Variants in KANK1 observed in about 807,000 individuals in gnomAD.
KANK1 encodes the protein KN motif and ankyrin repeat domains 1.
A neutral mutation model predicts 106.2 loss-of-function variants in KANK1; 109 were observed. The ratio of observed to expected loss-of-function variants is 1.03; its 90% CI spans 0.88 to 1.20. KANK1 has a LOEUF of 1.20. Ranked by LOEUF, KANK1 falls within the 50% of genes most tolerant of loss-of-function variation. The pLI is 0.00. For missense variants in KANK1, 2,399 were observed against 1,710.7 expected, an observed-to-expected ratio of 1.40 and a Z score of -7.10; for synonymous variants, 873 against 652.2, an observed-to-expected ratio of 1.34 and a Z score of -5.16.
chr9:609,874 A>G (rs1269417446), intron 1 of KANK1, among the ~76,000 whole-genome samples: 1 of 152,166 alleles, frequency 6.6e-6, no homozygotes, highest in African/African-American at 2.4e-5. Context: ...TAAAATTTCA[A>G]ATTACGTAGA....
chr9:676,934 C>G lies in KANK1; in HGVS notation c.-39C>G, dbSNP rs1816533507. The G allele has an allele frequency of 6.3e-7, 1 of 1,598,988 alleles. No individual in the cohort carries two copies. Among genetic ancestry groups the G allele is most frequent in the Non-Finnish European group, 8.6e-7 (1 of 1,168,458 alleles). On this transcript the variant is annotated 5_prime_UTR_variant, in exon 2 of 12. Transcript: ENST00000382297. ...TTGATGCATAAAATTTGCATGACTCCTCACTCCTTTCTGGATCTCTCATTG... is the reference window on the plus strand; with the variant it reads ...TTGATGCATAAAATTTGCATGACTCGTCACTCCTTTCTGGATCTCTCATTG...
intron 1 of KANK1, among the ~76,000 whole-genome samples, chr9:641,726 C>T (rs1008433611): frequency 1.3e-5 from 2 of 152,116 alleles, no homozygotes; most frequent in African/African-American, 4.8e-5. Flanking sequence ...TCTTGTAACA[C>T]CTTTTCATCC....
chr9:485,948 C>T (rs1192936788), intron 3 of KANK1, among the ~76,000 whole-genome samples: 1 of 151,944 alleles, frequency 6.6e-6, no homozygotes, highest in Non-Finnish European at 1.5e-5. Flanking sequence ...GGTTGAGGCT[C>T]TGATCAAGCT....
At chr9:603,299 T>C (rs796104607) in intron 1 of KANK1, among the ~76,000 whole-genome samples, 6 of 151,882 alleles carry the variant, frequency 4.0e-5, no homozygotes, top group Non-Finnish European at 7.3e-5. Context: ...TTGAATTGTT[T>C]TCAGTTCAGA....
At chr9:626,328 G>A (rs1213585910) in intron 1 of KANK1, among the ~76,000 whole-genome samples, 1 of 152,026 alleles carries the variant, frequency 6.6e-6, no homozygotes, top group Non-Finnish European at 1.5e-5. Flanking sequence ...GGTGGTACAT[G>A]CCTGTAGTCC....
At chr9:714,108 G>A (rs577283277) in intron 3 of KANK1, among the ~76,000 whole-genome samples, 1 of 152,044 alleles carries the variant, frequency 6.6e-6, no homozygotes, top group Non-Finnish European at 1.5e-5. Flanking sequence ...TTATTACTTG[G>A]ATTCCTACTC....
At chr9:616,690 C>T (rs909918512) in intron 1 of KANK1, among the ~76,000 whole-genome samples, 2 of 151,960 alleles carry the variant, frequency 1.3e-5, no homozygotes, top group Admixed American at 1.3e-4. Context: ...CAACAACACA[C>T]ACTGATTTTT....
chr9:605,337 A>G (rs1265057033), intron 1 of KANK1, among the ~76,000 whole-genome samples: 2 of 150,740 alleles, frequency 1.3e-5, no homozygotes, highest in South Asian at 2.1e-4. Context: ...ACTAGCCATG[A>G]GGAAAGATAA....
chr9:623,489 C>A (rs925110478), intron 1 of KANK1, among the ~76,000 whole-genome samples: 1 of 151,340 alleles, frequency 6.6e-6, no homozygotes, highest in Non-Finnish European at 1.5e-5. Context: ...ACCCATTAGA[C>A]TGAGGTGAGG....
intron 2 of KANK1, among the ~76,000 whole-genome samples, chr9:685,017 T>G (rs1257186953): frequency 6.6e-6 from 1 of 152,186 alleles, no homozygotes; most frequent in Non-Finnish European, 1.5e-5. Context: ...AAATTCTAAG[T>G]TCAAAAACCA....
chr9:710,258 G>A (rs1825574268), intron 2 of KANK1, among the ~76,000 whole-genome samples: 1 of 152,140 alleles, frequency 6.6e-6, no homozygotes, highest in Non-Finnish European at 1.5e-5. Flanking sequence ...TTTTAAGCCT[G>A]TGAGTTAAAT....
intron 1 of KANK1, among the ~76,000 whole-genome samples, chr9:622,460 G>T (rs944728736): frequency 6.6e-6 from 1 of 152,126 alleles, no homozygotes; most frequent in Admixed American, 6.5e-5. Context: ...TTGCATAGAA[G>T]CATCCTGACA....
intron 1 of KANK1, among the ~76,000 whole-genome samples, chr9:547,724 A>G (rs1244963404): frequency 1.4e-5 from 2 of 143,034 alleles, no homozygotes; most frequent in Admixed American, 7.0e-5. Flanking sequence ...TATAAACGGT[A>G]TGAGCATGCT....
chr9:580,255 C>G (rs565052661), intron 1 of KANK1, among the ~76,000 whole-genome samples: 2 of 152,194 alleles, frequency 1.3e-5, no homozygotes, highest in African/African-American at 4.8e-5. Context: ...CGTGGTCTCG[C>G]TGGCCTCAGG....
intron 3 of KANK1, chr9:495,135 T>G (rs1209793663): frequency 6.6e-6 from 1 of 152,218 alleles, no homozygotes; most frequent in African/African-American, 2.4e-5. Context: ...ATCCTGTAAG[T>G]AATTGCCTTG....
chr9:532,539 C>A (rs1315657149), intron 1 of KANK1, among the ~76,000 whole-genome samples: 1 of 151,956 alleles, frequency 6.6e-6, no homozygotes, highest in African/African-American at 2.4e-5. Context: ...CCATTTCCCT[C>A]CACTCCCTCC....
chr9:682,400 C>G (rs186859781), intron 2 of KANK1, among the ~76,000 whole-genome samples: 1,793 of 152,236 alleles, frequency 0.012, 24 homozygotes, highest in Middle Eastern at 0.065. Context: ...ATTTTTCATG[C>G]TTTTCAGGCT....
chr9:743,717 C>T (rs576391632), intron 10 of KANK1, among the ~76,000 whole-genome samples: 1 of 152,036 alleles, frequency 6.6e-6, no homozygotes, highest in Non-Finnish European at 1.5e-5. Context: ...AAAAAATTAT[C>T]TAGGTGTGGT....
At chr9:688,413 C>G (rs778266784) in intron 2 of KANK1, among the ~76,000 whole-genome samples, 2 of 152,166 alleles carry the variant, frequency 1.3e-5, no homozygotes, top group African/African-American at 4.8e-5. Flanking sequence ...TGAGATCTGC[C>G]TGGCCAACGG....
Sources: gnomAD v4.1 joint callset for allele counts (sites outside exome capture counted in the v4.1 genomes callset) on GRCh38, gnomAD v4.1.1 for gene constraint, MANE v1.5 for transcripts, NCBI Gene and HGNC (gene_info 2026-07-23, HGNC 2026-07-21) for gene names.